The following SHANK2 variants were observed in gnomAD, a reference collection of about 807,000 sequenced individuals.
The protein encoded by SHANK2 is SH3 and multiple ankyrin repeat domains 2.
Under a neutral mutation model 133.7 loss-of-function variants are expected in SHANK2, and 43 were observed. That is an observed-to-expected ratio of 0.32 (90% CI 0.25 to 0.41). SHANK2 has a LOEUF of 0.41. SHANK2 is among the 10% of genes least tolerant of loss of function. The pLI, the probability that SHANK2 is intolerant of heterozygous loss-of-function variation, is 1.00. For synonymous variants in SHANK2, 1,017 were observed against 952.8 expected (o/e 1.07, Z -1.24); for missense variants, 1,994 against 2,235.8 (o/e 0.89, Z 2.18).
chr11:70,892,204 G>A (rs1692685621), intron 11 of SHANK2, among the ~76,000 whole-genome samples: 1 of 152,202 alleles, frequency 6.6e-6, no homozygotes, highest in African/African-American at 2.4e-5. Flanking sequence ...TCCACCCCAT[G>A]CGGTCTTAAG....
At chr11:70,900,081 C>T (rs782226286) in intron 10 of SHANK2, among the ~76,000 whole-genome samples, 6 of 152,180 alleles carry the variant, frequency 3.9e-5, no homozygotes, top group African/African-American at 9.7e-5. Flanking sequence ...ATGGGCCAGG[C>T]GCTGCGGCTC....
intron 17 of SHANK2, among the ~76,000 whole-genome samples, chr11:70,639,203 G>C (rs1479485003): frequency 6.6e-6 from 1 of 152,086 alleles, no homozygotes; most frequent in East Asian, 1.9e-4. Context: ...TCAGGAAATG[G>C]CCAGTTTGGG....
At chr11:71,226,769 C>G (rs1265850261) in intron 1 of SHANK2, 2 of 151,708 alleles carry the variant, frequency 1.3e-5, no homozygotes, top group East Asian at 1.9e-4. Context: ...TAAAAAGAAG[C>G]CTTTCTAAAT....
chr11:70,539,762 C>T (rs922738453), intron 17 of SHANK2, among the ~76,000 whole-genome samples: 4 of 152,066 alleles, frequency 2.6e-5, no homozygotes, highest in African/African-American at 7.2e-5. Context: ...CCAGGGAGTG[C>T]GCTTCTCTCC....
At chr11:70,553,450 C>T (rs1246717530) in intron 17 of SHANK2, among the ~76,000 whole-genome samples, 1 of 152,158 alleles carries the variant, frequency 6.6e-6, no homozygotes, top group Non-Finnish European at 1.5e-5. Context: ...TTCTGAAGTA[C>T]TGGGGATTGG....
At chr11:71,133,923 T>C (rs1373934337) in intron 3 of SHANK2, among the ~76,000 whole-genome samples, 2 of 110,476 alleles carry the variant, frequency 1.8e-5, no homozygotes, top group South Asian at 3.4e-4. Context: ...AGGAAAACTA[T>C]GTATTTTTTT....
chr11:70,488,660 T>C (rs1431546901), intron 24 of SHANK2, among the ~76,000 whole-genome samples: 1 of 152,272 alleles, frequency 6.6e-6, no homozygotes, highest in Non-Finnish European at 1.5e-5. Context: ...AGTGAGCCCC[T>C]TCTGGGTCCC....
At chr11:71,118,755 C>T in intron 4 of SHANK2, 74 bp downstream of exon 4, 2 of 1,306,890 alleles carry the variant, frequency 1.5e-6, no homozygotes, top group Non-Finnish European at 2.1e-6. Flanking sequence ...GCCCCACCAC[C>T]ATGTCTCCCC....
chr11:70,785,102 C>T (rs1397277704), intron 14 of SHANK2, among the ~76,000 whole-genome samples: 4 of 152,286 alleles, frequency 2.6e-5, no homozygotes, highest in African/African-American at 9.6e-5. Flanking sequence ...AGGATGCCTC[C>T]GTCCAGCACA....
chr11:70,848,319 G>T (rs1046075008), intron 11 of SHANK2, among the ~76,000 whole-genome samples: 5 of 152,202 alleles, frequency 3.3e-5, no homozygotes, highest in African/African-American at 1.2e-4. Context: ...GAGCCGCCAG[G>T]AATTGTGGGG....
intron 17 of SHANK2, among the ~76,000 whole-genome samples, chr11:70,533,236 A>AT (rs2059500686): frequency 1.3e-5 from 2 of 152,084 alleles, no homozygotes; most frequent in Non-Finnish European, 2.9e-5. Flanking sequence ...TTTTATGTGT[A>AT]TTTTTACATT....
chr11:70,852,517 G>T (rs1949101743), intron 11 of SHANK2, among the ~76,000 whole-genome samples: 1 of 152,164 alleles, frequency 6.6e-6, no homozygotes, highest in South Asian at 2.1e-4. Context: ...CTCCACGAAG[G>T]TCCCCAGGTT....
chr11:70,801,019 C>T (rs1479299999), intron 13 of SHANK2, among the ~76,000 whole-genome samples: 1 of 152,210 alleles, frequency 6.6e-6, no homozygotes, highest in Non-Finnish European at 1.5e-5. Flanking sequence ...AACTCGGTCT[C>T]TCTGTACCTC....
chr11:70,514,075 T>C (rs1565087903), intron 17 of SHANK2, among the ~76,000 whole-genome samples: 1 of 152,208 alleles, frequency 6.6e-6, no homozygotes, highest in African/African-American at 2.4e-5. Context: ...AGGGACATTA[T>C]AGTCAATTCT....
chr11:70,910,944 T>C (rs1950182352), intron 10 of SHANK2: 2 of 456,290 alleles, frequency 4.4e-6, no homozygotes, highest in African/African-American at 2.0e-5. Flanking sequence ...TGGGGGCACA[T>C]GTGCACATAA....
chr11:70,684,848 ACT>A (rs1247485999), intron 15 of SHANK2, among the ~76,000 whole-genome samples: 1 of 151,570 alleles, frequency 6.6e-6, no homozygotes, highest in Admixed American at 6.6e-5. Flanking sequence ...CACATGCCTC[ACT>A]CTGCCTCAGT....
At chr11:70,876,124 C>A (rs1949557155) in intron 11 of SHANK2, among the ~76,000 whole-genome samples, 1 of 151,676 alleles carries the variant, frequency 6.6e-6, no homozygotes. Context: ...CCATTGCACT[C>A]CAGCCTGGGC....
At chr11:70,883,498 A>G (rs900644117) in intron 11 of SHANK2, among the ~76,000 whole-genome samples, 2 of 152,196 alleles carry the variant, frequency 1.3e-5, no homozygotes, top group Non-Finnish European at 2.9e-5. Flanking sequence ...TTCCATGTGG[A>G]GAAATGACAT....
At position 71,218,956 on chromosome 11, in the gene SHANK2, G is replaced by A. The variant is rs929203678; in HGVS notation, c.-13+5741C>T. On this transcript the variant is annotated intron_variant, in intron 2 of 25. Coordinates refer to ENST00000601538, the MANE Select transcript of SHANK2 (RefSeq NM_012309.5). ...CTCTGTAGGGCACCCAGAGAGAGTGGCATCTGTGCACCCCACAGGTGGTCA... is the reference window on the plus strand; with the variant it reads ...CTCTGTAGGGCACCCAGAGAGAGTGACATCTGTGCACCCCACAGGTGGTCA... Among the ~76,000 whole-genome samples, 5 of 152,174 alleles carry A rather than the reference G, an allele frequency of 3.3e-5. No individual in the cohort carries two copies. The East Asian group carries it at 9.6e-4, about 29-fold the overall frequency.
Sources: gnomAD v4.1 joint callset for allele counts (sites outside exome capture counted in the v4.1 genomes callset) on GRCh38, gnomAD v4.1.1 for gene constraint, MANE v1.5 for transcripts, NCBI Gene and HGNC (gene_info 2026-07-23, HGNC 2026-07-21) for gene names.